CCDC171: variants seen among roughly 807,000 people sequenced by gnomAD.
CCDC171 encodes coiled-coil domain containing 171.
CCDC171 carries 177 observed loss-of-function variants against 168.2 expected under a neutral mutation model. The observed-to-expected ratio is 1.05, with a 90% CI of 0.93 to 1.19. The LOEUF (loss-of-function observed/expected upper bound fraction) is 1.19. CCDC171 is among the 50% of genes most tolerant of loss of function. CCDC171 has a pLI of 0.00. For synonymous variants in CCDC171, 687 were observed against 540.8 expected, an observed-to-expected ratio of 1.27 and a Z score of -3.75; for missense variants, 1,991 against 1,539.0, an observed-to-expected ratio of 1.29 and a Z score of -4.91.
chr9:15,698,026 G>T (rs1026089436), intron 11 of CCDC171, among the ~76,000 whole-genome samples: 35 of 151,644 alleles, frequency 2.3e-4, no homozygotes, highest in Non-Finnish European at 4.0e-4. Context: ...AAATCTTCTG[G>T]CTATTTTGAA....
chr9:15,906,820 C>G (rs1045483677), intron 24 of CCDC171, among the ~76,000 whole-genome samples: 10 of 152,092 alleles, frequency 6.6e-5, no homozygotes, highest in Non-Finnish European at 1.0e-4. Flanking sequence ...GCGACTTCAG[C>G]AAAGTCTCTG....
At chr9:16,043,798 C>G (rs913389700) in intron 1 of CCDC171, among the ~76,000 whole-genome samples, 3 of 152,158 alleles carry the variant, frequency 2.0e-5, no homozygotes, top group African/African-American at 7.2e-5. Context: ...TTCAAAAAAT[C>G]AAAGTACTGA....
chr9:15,600,809 G>C (rs971692761), intron 6 of CCDC171, among the ~76,000 whole-genome samples: 1 of 152,180 alleles, frequency 6.6e-6, no homozygotes, highest in African/African-American at 2.4e-5. Context: ...CGGCCACTTT[G>C]TTTACCTACT....
intron 21 of CCDC171, among the ~76,000 whole-genome samples, chr9:15,812,728 A>G (rs1450822871): frequency 6.6e-6 from 1 of 152,188 alleles, no homozygotes; most frequent in Non-Finnish European, 1.5e-5. Context: ...GGATAGAAGG[A>G]TCTCTTGAGT....
At chr9:15,966,731 T>A (rs559795940) in intron 25 of CCDC171, among the ~76,000 whole-genome samples, 1 of 152,308 alleles carries the variant, frequency 6.6e-6, no homozygotes, top group East Asian at 1.9e-4. Context: ...TGCCTTGATG[T>A]CAGTAAGATA....
At chr9:15,962,349 T>C (rs1177104205) in intron 25 of CCDC171, among the ~76,000 whole-genome samples, 1 of 152,162 alleles carries the variant, frequency 6.6e-6, no homozygotes, top group African/African-American at 2.4e-5. Context: ...ATGCTTCTGG[T>C]TGAATATGAG....
At chr9:15,979,396 C>G (rs1198191521) in intron 3 of CCDC171, among the ~76,000 whole-genome samples, 2 of 152,124 alleles carry the variant, frequency 1.3e-5, no homozygotes, top group African/African-American at 2.4e-5. Flanking sequence ...AAGTCTTATA[C>G]CATGAAGTGT....
rs1225307580 is a variant in CCDC171, at chr9:15,973,583, C to T, written c.*1747C>T. On this transcript the variant is annotated 3_prime_UTR_variant, in exon 26 of 26. Coordinates refer to ENST00000380701, the MANE Select transcript of CCDC171 (RefSeq NM_173550.4). ...TAAAATTATATCTTTAACCAAATTT[C>T]TCTTAATTCTTTCCTTGGAATTATT... The T allele has an allele frequency of 2.0e-5, 3 of 152,100 alleles. No homozygotes were observed. The highest frequency in any genetic ancestry group is 4.8e-5 in the African/African-American group (2 of 41,430). 9.4% of individuals were successfully genotyped at this position (152,100 alleles called of 1,614,324 possible).
the CCDC171 span, among the ~76,000 whole-genome samples, chr9:16,105,245 A>C: frequency 6.6e-6 from 1 of 152,216 alleles, no homozygotes; most frequent in Non-Finnish European, 1.5e-5. Context: ...AGAGGATAGA[A>C]GGGACATTTA....
rs768365579 is a variant in CCDC171 at position 15,571,737 on chromosome 9, TAAC to T, written c.159_161del (p.Thr54del). ...TGGGCTAAAAAAGAAAAGTTAGAAA[TAAC>T]AACCAAACACAATGCAGAGGTACGA... On this transcript the variant is annotated inframe_deletion, in exon 3 of 26. Coordinates refer to ENST00000380701, the MANE Select transcript of CCDC171 (RefSeq NM_173550.4). 4.2e-5 allele frequency: 67 copies of T among 1,589,368 alleles called. No individual in the cohort carries two copies. In the East Asian group the frequency reaches 1.4e-3, roughly 34 times the overall value.
At chr9:16,068,395 C>T in the CCDC171 span, among the ~76,000 whole-genome samples, 1 of 152,188 alleles carries the variant, frequency 6.6e-6, no homozygotes, top group Non-Finnish European at 1.5e-5. Flanking sequence ...AGGTAATTTA[C>T]AGATTCAATG....
intron 16 of CCDC171, 99 bp downstream of exon 16, chr9:15,729,897 T>C: frequency 4.6e-6 from 4 of 871,236 alleles, no homozygotes; most frequent in Non-Finnish European, 7.1e-6. Flanking sequence ...AGTTTAAACT[T>C]CTTAAGAACT....
intron 11 of CCDC171, among the ~76,000 whole-genome samples, chr9:15,709,937 A>C (rs1371055895): frequency 6.6e-6 from 1 of 152,156 alleles, no homozygotes; most frequent in Non-Finnish European, 1.5e-5. Flanking sequence ...TTATCAACTT[A>C]AGAACCAATT....
rs796724252 is a variant in CCDC171 at position 15,940,315 on chromosome 9, A to C, written c.3753+19893A>C. On this transcript the variant is annotated intron_variant, in intron 25 of 25. Transcript: ENST00000380701. ...TATTTGATCTACCTGTAGAACTCAG[A>C]ATCTTATCTAATTAAGCTGCAAGTC... Among the ~76,000 whole-genome samples the C allele has an allele frequency of 5.2e-4, 79 of 152,066 alleles. 1 individual carries two copies. The highest frequency in any genetic ancestry group is 1.7e-3 in the African/African-American group (69 of 41,548).
intron 24 of CCDC171, among the ~76,000 whole-genome samples, chr9:15,905,933 T>A (rs894013919): frequency 5.3e-5 from 8 of 152,138 alleles, no homozygotes; most frequent in Non-Finnish European, 1.0e-4. Context: ...AAGAAATGGA[T>A]GAATTCCTGG....
intron 11 of CCDC171, 83 bp downstream of exon 11, chr9:15,695,420 G>A (rs1355172): frequency 0.95 from 910,805 of 957,784 alleles, 433,359 homozygotes; most frequent in East Asian, 1. Flanking sequence ...GATGCCTCTT[G>A]TAGTCCCTCA....
In CCDC171 at chr9:15,749,707, T is replaced by G. The variant is rs777069500; in HGVS notation, c.2671+4076T>G. 7.4e-4 allele frequency among the ~76,000 whole-genome samples: 113 copies of G among 152,270 alleles called. 1 individual carries two copies. Among genetic ancestry groups the G allele is most frequent in the African/African-American group, 2.5e-3 (103 of 41,554 alleles). ...TCAACTACATGGAAACTGAACAACC[T>G]GCTCCTGAATGACTACTGGGTAAAT... On this transcript the variant is annotated intron_variant, in intron 18 of 25. Transcript: ENST00000380701.
At chr9:15,570,177 G>A (rs2040107762) in intron 2 of CCDC171, among the ~76,000 whole-genome samples, 1 of 151,936 alleles carries the variant, frequency 6.6e-6, no homozygotes, top group African/African-American at 2.4e-5. Context: ...CACTATGTTG[G>A]CCAGGCTGGT....
Position 15,848,915 on chromosome 9 carries a change from C to T in CCDC171, c.3436C>T (p.His1146Tyr), listed in dbSNP as rs764483491. Residue 1146 changes from histidine to tyrosine, a missense_variant, in exon 23 of 26, where the codon CAC becomes TAC. His to Tyr is a moderately conservative substitution (Grantham distance 83, BLOSUM62 2). Transcript: ENST00000380701. ...AAKDKECVAN[H>Y]MRAVENTLHK... ...TAGAGACAAAGAATGTGTTGCTAAT[C>T]ACATGAGAGCAGTAGAAAATACGCT... The T allele has an allele frequency of 1.3e-6, 2 of 1,568,182 alleles. No homozygotes were observed. Among genetic ancestry groups the T allele is most frequent in the Non-Finnish European group, 1.7e-6 (2 of 1,155,964 alleles).
Sources: allele counts gnomAD v4.1 joint callset (sites outside exome capture counted in the v4.1 genomes callset), GRCh38; gene constraint gnomAD v4.1.1; transcripts MANE v1.5; gene names NCBI Gene and HGNC (gene_info 2026-07-23, HGNC 2026-07-21).